HAUS7: variants seen among roughly 807,000 people sequenced by gnomAD.
HAUS7 encodes the protein HAUS augmin-like complex subunit 7.
HAUS7 carries 3 observed loss-of-function variants against 28.4 expected under a neutral mutation model. The observed-to-expected ratio is 0.11, with a 90% CI of 0.05 to 0.27. The LOEUF is 0.27. Ranked by LOEUF, HAUS7 falls within the 10% of genes least tolerant of loss-of-function variation. The pLI, the probability that HAUS7 is intolerant of heterozygous loss-of-function variation, is 1.00. For synonymous variants in HAUS7, 165 were observed against 132.1 expected, an observed-to-expected ratio of 1.25 and a Z score of -1.71; for missense variants, 284 against 297.3, an observed-to-expected ratio of 0.96 and a Z score of 0.33.
chrX:153,473,935 C>T (rs1179432250), upstream of HAUS7, among the ~76,000 whole-genome samples: 2 of 112,435 alleles, frequency 1.8e-5, no homozygotes, highest in Non-Finnish European at 3.8e-5. Flanking sequence ...CCAGGTCTTG[C>T]GGGCAGCCCA....
At chrX:153,478,177 C>A (rs1230609287) in intron 1 of HAUS7, among the ~76,000 whole-genome samples, 1 of 112,929 alleles carries the variant, frequency 8.9e-6, no homozygotes, top group Non-Finnish European at 1.9e-5. Context: ...GCGGTGAGAT[C>A]AGTCCTCTCT....
upstream of HAUS7, among the ~76,000 whole-genome samples, chrX:153,471,883 G>A (rs2089526957): frequency 8.9e-6 from 1 of 112,835 alleles, no homozygotes; most frequent in African/African-American, 3.2e-5. Flanking sequence ...ACCCTTCCAC[G>A]TGGCTGCTGC....
chrX:153,463,792 C>T (rs782533161), intron 3 of HAUS7, among the ~76,000 whole-genome samples: 2 of 112,983 alleles, frequency 1.8e-5, no homozygotes, highest in South Asian at 7.3e-4. Flanking sequence ...TTCCTCTCCG[C>T]ACATGCCGCG....
At chrX:153,482,298 C>T in intron 1 of HAUS7, 2 of 756,714 alleles carry the variant, frequency 2.6e-6, no homozygotes, top group Non-Finnish European at 3.1e-6. Context: ...CCCCCAACCC[C>T]AGCCCACCTA....
intron 8 of HAUS7, 130 bp from the exon 9 acceptor site, chrX:153,454,638 G>C: frequency 4.0e-6 from 2 of 503,563 alleles, no homozygotes; most frequent in Non-Finnish European, 6.8e-6. Context: ...GCATTCACCT[G>C]AAAGACAGCC....
chrX:153,486,664 G>A (rs1451899550), intron 1 of HAUS7: 9 of 980,881 alleles, frequency 9.2e-6, no homozygotes, highest in Non-Finnish European at 1.1e-5. Context: ...TGACATGCGC[G>A]TGGCTCAGGA....
chrX:153,478,080 T>C (rs1556986581), intron 1 of HAUS7, among the ~76,000 whole-genome samples: 1 of 112,551 alleles, frequency 8.9e-6, no homozygotes. Flanking sequence ...ATTAACTCAT[T>C]TCTTAAGATC....
chrX:153,462,675 T>C lies in HAUS7; in HGVS notation c.293-4A>G, dbSNP rs1556983628. ...TCGTGGCCCAGCTTCGTCATTTCTG[T>C]TGAAACACAAAGAGCCCATCATGGC... On this transcript the variant is annotated splice_region_variant and splice_polypyrimidine_tract_variant and intron_variant, in intron 3 of 9. Transcript: ENST00000370211. The C allele has an allele frequency of 1.0e-5, 12 of 1,195,149 alleles. No individual in the cohort carries two copies. The highest frequency in any genetic ancestry group is 1.0e-5 in the Non-Finnish European group (9 of 880,810).
intron 1 of HAUS7, chrX:153,481,050 C>T (rs903816531): frequency 6.0e-5 from 44 of 737,162 alleles, no homozygotes; most frequent in Non-Finnish European, 6.9e-5. Flanking sequence ...GGGCCTGGGG[C>T]CTGCTGGGGC....
At chrX:153,477,405 T>G (rs1002933496) in intron 1 of HAUS7, among the ~76,000 whole-genome samples, 22 of 113,408 alleles carry the variant, frequency 1.9e-4, no homozygotes, top group Non-Finnish European at 3.2e-4. Flanking sequence ...GGTGCTAGGC[T>G]CAGCTCAGGC....
chrX:153,479,425 G>C, intron 1 of HAUS7: 1 of 737,388 alleles, frequency 1.4e-6, no homozygotes, highest in Non-Finnish European at 1.6e-6. Context: ...ACTGCCGCAG[G>C]CTGTCCACCT....
intron 2 of HAUS7, among the ~76,000 whole-genome samples, chrX:153,468,867 C>T (rs782335482): frequency 8.8e-6 from 1 of 113,047 alleles, no homozygotes; most frequent in Admixed American, 9.2e-5. Context: ...CCTCCAAACT[C>T]ATAAGGCAAG....
At chrX:153,452,549 T>C (rs139922021) in intron 9 of HAUS7, among the ~76,000 whole-genome samples, 4,378 of 112,446 alleles carry the variant, frequency 0.039, 187 homozygotes, top group African/African-American at 0.13. Flanking sequence ...GGAATTAAAA[T>C]GGTGTACCCA....
At chrX:153,481,950 T>C in intron 1 of HAUS7, 1 of 659,923 alleles carries the variant, frequency 1.5e-6, no homozygotes, top group Non-Finnish European at 1.8e-6. Flanking sequence ...ATTCACCTCT[T>C]CTCGGGGGCC....
chrX:153,482,106 C>G (rs1448061945), intron 1 of HAUS7, among the ~76,000 whole-genome samples: 1 of 112,195 alleles, frequency 8.9e-6, no homozygotes, highest in African/African-American at 3.2e-5. Flanking sequence ...GTGACGTGTT[C>G]CATCGCTGGG....
intron 1 of HAUS7, chrX:153,486,204 T>A: frequency 1.8e-6 from 1 of 560,743 alleles, no homozygotes; most frequent in Non-Finnish European, 2.4e-6. Flanking sequence ...GCCTTCTGGC[T>A]GGGCTAGGAC....
At chrX:153,475,896 C>T (rs2089559756) in intron 1 of HAUS7, among the ~76,000 whole-genome samples, 2 of 112,072 alleles carry the variant, frequency 1.8e-5, no homozygotes, top group South Asian at 7.5e-4. Flanking sequence ...TGACCCCACC[C>T]GCTCCTCCTC....
At chrX:153,492,960 G>A (rs782421101) in intron 1 of HAUS7, among the ~76,000 whole-genome samples, 4 of 111,948 alleles carry the variant, frequency 3.6e-5, no homozygotes, top group Non-Finnish European at 7.5e-5. Flanking sequence ...AAGGTACTGG[G>A]TACCAGCACC....
chrX:153,484,655 G>A (rs782126687), intron 1 of HAUS7, among the ~76,000 whole-genome samples: 3 of 112,878 alleles, frequency 2.7e-5, no homozygotes, highest in African/African-American at 9.7e-5. Flanking sequence ...GCATCCTTGC[G>A]TTCCAGGAAA....
Sources: allele counts gnomAD v4.1 joint callset (sites outside exome capture counted in the v4.1 genomes callset), GRCh38; gene constraint gnomAD v4.1.1; transcripts MANE v1.5; gene names NCBI Gene and HGNC (gene_info 2026-07-23, HGNC 2026-07-21).